The following TEAD2 variants were observed in gnomAD, a reference collection of about 807,000 sequenced individuals.
The protein encoded by TEAD2 is TEA domain transcription factor 2, also known as transcriptional enhancer factor TEF-4.
In TEAD2, 51 loss-of-function variants were observed where a neutral mutation model predicts 61.4. That is an observed-to-expected ratio of 0.83 (90% CI 0.66 to 1.05). The LOEUF (loss-of-function observed/expected upper bound fraction) is 1.05. Ranked by LOEUF, TEAD2 falls within the 50% of genes least tolerant of loss-of-function variation. The pLI is 0.00. For synonymous variants in TEAD2, 244 were observed against 243.2 expected (o/e 1.00, Z -0.03); for missense variants, 509 against 600.0 (o/e 0.85, Z 1.58).
chr19:49,348,761 G>A lies in TEAD2; in HGVS notation c.689C>T (p.Ala230Val). Residue 230 changes from alanine to valine, a missense_variant, in exon 9 of 13, where the codon GCC becomes GTC. Ala to Val is a moderately conservative substitution (Grantham distance 64). Transcript: ENST00000593945. ...TGAGAACTCTACCAGCTGCAACCGG[G>A]CGGTGCCCAGGCCCCGAGCCTGCCA... ...PAWQARGLGTARLQLVEFSAF... is the reference protein window; with the variant it reads ...PAWQARGLGTVRLQLVEFSAF... The A allele has an allele frequency of 1.2e-6, 2 of 1,614,008 alleles. No individual in the cohort carries two copies. The highest frequency in any genetic ancestry group is 1.7e-6 in the Non-Finnish European group (2 of 1,179,954).
intron 5 of TEAD2, 123 bp downstream of exon 5, chr19:49,355,836 A>G: frequency 1.0e-6 from 1 of 977,800 alleles, no homozygotes; most frequent in Non-Finnish European, 1.4e-6. Context: ...CAAAAAGAAA[A>G]AAAAAGGCAA....
At chr19:49,358,379 C>T (rs1972545977) in intron 3 of TEAD2, among the ~76,000 whole-genome samples, 1 of 152,014 alleles carries the variant, frequency 6.6e-6, no homozygotes, top group African/African-American at 2.4e-5. Flanking sequence ...CACGGCACTG[C>T]ACTCCAGCTT....
In TEAD2 at chr19:49,355,878, C is replaced by A. The variant is rs115694821; in HGVS notation, c.372+81G>T. 2.3e-3 allele frequency: 2,834 copies of A among 1,248,534 alleles called. 41 individuals carry two copies. In the African/African-American group the frequency reaches 0.035, roughly 15 times the overall value. 77.3% of individuals were successfully genotyped at this position (1,248,534 alleles called of 1,614,324 possible). A position where few individuals can be genotyped will look rare whatever the true frequency, so the allele number is the denominator to read the frequency against. On this transcript the variant is annotated intron_variant, in intron 5 of 12. Transcript: ENST00000593945. ...GGGTTGGGGGAGGGTTGAACCTCTC[C>A]CCACAGCCCTCTGCCCCTCCTCAGG...
chr19:49,350,581 C>T (rs1461212811), intron 8 of TEAD2, among the ~76,000 whole-genome samples: 4 of 152,032 alleles, frequency 2.6e-5, no homozygotes, highest in East Asian at 1.9e-4. Flanking sequence ...GTGATCCACC[C>T]GCCTAGGCCT....
chr19:49,342,589 G>A lies in TEAD2; in HGVS notation c.1091C>T (p.Thr364Met), dbSNP rs1971372036. 6.8e-6 allele frequency: 11 copies of A among 1,610,478 alleles called. No homozygotes were observed. Among genetic ancestry groups the A allele is most frequent in the Admixed American group, 3.3e-5 (2 of 59,950 alleles). ...FGKQVVEKVETERAQLEDGRF... is the reference protein window; with the variant it reads ...FGKQVVEKVEMERAQLEDGRF... Reference sequence around the variant, plus strand: ...GCCGTCCTCCAGCTGGGCCCGTTCCGTCTGAACCAAGGGGAAGGGAGTTGG... The same window carrying A: ...GCCGTCCTCCAGCTGGGCCCGTTCCATCTGAACCAAGGGGAAGGGAGTTGG... The change falls in exon 12 of 13, where the codon ACG becomes ATG. Residue 364 changes from threonine to methionine, a missense_variant and splice_region_variant. Physicochemically the swap from Thr to Met is moderately conservative, Grantham distance 81. Transcript: ENST00000593945.
At chr19:49,342,039 A>G (rs1971308347) in intron 12 of TEAD2, among the ~76,000 whole-genome samples, 1 of 151,990 alleles carries the variant, frequency 6.6e-6, no homozygotes, top group East Asian at 1.9e-4. Flanking sequence ...TAAAAATACA[A>G]AAATTAGCCA....
At chr19:49,353,959 T>G (rs1280021439) in intron 7 of TEAD2, among the ~76,000 whole-genome samples, 30 of 68,842 alleles carry the variant, frequency 4.4e-4, no homozygotes, top group South Asian at 2.1e-3. Flanking sequence ...TGTTTTTTGT[T>G]TTTTTTTTTT....
Position 49,351,317 on chromosome 19 carries a change from TGGG to T in TEAD2, c.585_587del (p.Pro196del), listed in dbSNP as rs781534158. On this transcript the variant is annotated inframe_deletion, in exon 8 of 13. Coordinates refer to ENST00000593945, the MANE Select transcript of TEAD2 (RefSeq NM_001256660.2). ...GGCTCTTACCTGGGAGGTCAGTAGA[TGGG>T]GGAGTCAGTGACAAGGTGAACGGTG... 1.2e-6 allele frequency: 2 copies of T among 1,611,892 alleles called. No individual in the cohort carries two copies. Among genetic ancestry groups the T allele is most frequent in the African/African-American group, 1.3e-5 (1 of 74,864 alleles).
rs936343118 is a variant in TEAD2 at position 49,343,406 on chromosome 19, A to T, written c.922-8T>A. The T allele has an allele frequency of 2.5e-6, 4 of 1,599,484 alleles. No homozygotes were observed. The highest frequency in any genetic ancestry group is 3.4e-6 in the Non-Finnish European group (4 of 1,175,026). ...GCCCCAGTTCAGGTCCGCCTGGGAGATGGGAAGGCACAGATGAGTCAGAGG... is the reference window on the plus strand; with the variant it reads ...GCCCCAGTTCAGGTCCGCCTGGGAGTTGGGAAGGCACAGATGAGTCAGAGG... On this transcript the variant is annotated splice_region_variant and splice_polypyrimidine_tract_variant and intron_variant, in intron 10 of 12. Transcript: ENST00000593945.
At chr19:49,361,843 C>T (rs1310932543) in intron 1 of TEAD2, 2 of 152,872 alleles carry the variant, frequency 1.3e-5, no homozygotes, top group African/African-American at 4.8e-5. Context: ...TTCAGGACCC[C>T]CGTAGGCCAA....
At chr19:49,357,687 T>C (rs1003373198) in intron 3 of TEAD2, 19 of 303,548 alleles carry the variant, frequency 6.3e-5, no homozygotes, top group African/African-American at 4.0e-4. Context: ...AAATGCCATC[T>C]CCAGTGTTGG....
At chr19:49,343,855 T>TTGGG (rs796254328) in intron 10 of TEAD2, among the ~76,000 whole-genome samples, 3 of 113,510 alleles carry the variant, frequency 2.6e-5, no homozygotes, top group African/African-American at 6.6e-5. Context: ...TCTTTTTTTT[T>TTGGG]GGGGGGGGGG....
In TEAD2 at chr19:49,342,328, T is replaced by C. The variant is rs1201057324; in HGVS notation, c.1242+110A>G. 4.3e-6 allele frequency: 6 copies of C among 1,403,050 alleles called. No individual in the cohort carries two copies. The East Asian group carries it at 1.2e-4, about 27-fold the overall frequency. The allele number at this position is 1,403,050 out of a possible 1,614,324, so 86.9% of individuals were successfully genotyped here. ...CTCAGGCTGAGGGCTCACTTTGGAG[T>C]CCCTGCTGTGTCAGTTCCTGGGTGA... On this transcript the variant is annotated intron_variant, in intron 12 of 12. Coordinates refer to ENST00000593945, the MANE Select transcript of TEAD2 (RefSeq NM_001256660.2).
chr19:49,349,591 CT>C (rs772493776), intron 8 of TEAD2, among the ~76,000 whole-genome samples: 2 of 152,036 alleles, frequency 1.3e-5, no homozygotes, highest in Non-Finnish European at 2.9e-5. Context: ...AATTCTCACT[CT>C]TTGAGTTGAT....
intron 7 of TEAD2, among the ~76,000 whole-genome samples, chr19:49,354,444 C>T (rs940849815): frequency 5.3e-5 from 8 of 150,808 alleles, no homozygotes; most frequent in Admixed American, 5.3e-4. Context: ...GCTGAGGCTG[C>T]AGTGAGCCAT....
Position 49,351,376 on chromosome 19 carries a change from A to C in TEAD2, c.540-11T>G. On this transcript the variant is annotated splice_polypyrimidine_tract_variant and intron_variant, in intron 7 of 12. Coordinates refer to ENST00000593945, the MANE Select transcript of TEAD2 (RefSeq NM_001256660.2). ...GAGAATGGCTTCACACTGAGGGAAA[A>C]AGGAAGCCAGGGGTTAGCCAGGTAG... is the stretch of plus-strand genomic sequence containing the variant. 2 of 1,607,066 alleles carry C rather than the reference A, an allele frequency of 1.2e-6. No individual in the cohort carries two copies. Among genetic ancestry groups the C allele is most frequent in the Non-Finnish European group, 1.7e-6 (2 of 1,177,432 alleles).
rs2146248187 is a variant in TEAD2, at chr19:49,341,252, C to A, written c.*72G>T. 7.9e-7 allele frequency: 1 copy of A among 1,266,132 alleles called. No individual in the cohort carries two copies. 78.4% of individuals were successfully genotyped at this position (1,266,132 alleles called of 1,614,324 possible). ...CACAGCCCTCTCCCCAAATAAGAAG[C>A]ATGAGGTGAGCTGGAGGACCCTCCC... On this transcript the variant is annotated 3_prime_UTR_variant, in exon 13 of 13. Transcript: ENST00000593945. The surrounding 1 kb of genome is among the most constrained non-coding windows in gnomAD (Gnocchi z 4.2).
chr19:49,359,574 A>T lies in TEAD2; in HGVS notation c.233-75T>A. The T allele has an allele frequency of 5.8e-6, 9 of 1,544,070 alleles. 1 individual carries two copies. In the South Asian group the frequency reaches 1.0e-4, roughly 17 times the overall value. The stretch of plus-strand genomic sequence containing the variant: ...CCCCACAGCATGGACACCAGGGAAG[A>T]AGAAAGCAGCATGGGTCCCCAAAGG... On this transcript the variant is annotated intron_variant, in intron 2 of 12. Transcript: ENST00000593945. This position sits in a 1 kb window ranked among gnomAD's most constrained non-coding sequence, Gnocchi z 4.1.
chr19:49,354,321 T>C (rs1457122578), intron 7 of TEAD2, among the ~76,000 whole-genome samples: 1 of 151,276 alleles, frequency 6.6e-6, no homozygotes, highest in Admixed American at 6.6e-5. Flanking sequence ...CTGGGCAACA[T>C]AGCAAGACCC....
Sources: allele counts gnomAD v4.1 joint callset (sites outside exome capture counted in the v4.1 genomes callset), GRCh38; gene constraint gnomAD v4.1.1; non-coding constraint Gnocchi (gnomAD v3.1); transcripts MANE v1.5; gene names NCBI Gene and HGNC (gene_info 2026-07-23, HGNC 2026-07-21).